CHAF1A: variants seen among roughly 807,000 people sequenced by gnomAD.
The protein encoded by CHAF1A is chromatin assembly factor 1 subunit A, also known as CAF-1 subunit A.
CHAF1A carries 5 observed loss-of-function variants against 93.2 expected under a neutral mutation model. That is an observed-to-expected ratio of 0.05 (90% CI 0.03 to 0.11). The LOEUF is 0.11. Ranked by LOEUF, CHAF1A falls within the 10% of genes least tolerant of loss-of-function variation. The pLI, the probability that CHAF1A is intolerant of heterozygous loss-of-function variation, is 1.00. For missense variants in CHAF1A, 1,102 were observed against 1,259.9 expected (o/e 0.87, Z 1.90); for synonymous variants, 504 against 510.3 (o/e 0.99, Z 0.17).
At chr19:4,432,330 C>CCAG in intron 12 of CHAF1A, 123 bp downstream of exon 12, 1 of 1,169,048 alleles carries the variant, frequency 8.6e-7, no homozygotes. Context: ...ATAACAGAGG[C>CCAG]CAGCCCTTTT....
At chr19:4,412,733 C>T (rs1206493979) in intron 3 of CHAF1A, among the ~76,000 whole-genome samples, 1 of 152,192 alleles carries the variant, frequency 6.6e-6, no homozygotes, top group Non-Finnish European at 1.5e-5. Context: ...ATTTAGGACG[C>T]TAGATCTTGT....
chr19:4,445,819 C>G, downstream of CHAF1A: 2 of 1,063,698 alleles, frequency 1.9e-6, no homozygotes, highest in Non-Finnish European at 2.6e-6. Flanking sequence ...ACTGCACTAG[C>G]TAACGCACGT....
chr19:4,431,563 C>G (rs900999199), intron 11 of CHAF1A, among the ~76,000 whole-genome samples: 1 of 152,088 alleles, frequency 6.6e-6, no homozygotes, highest in African/African-American at 2.4e-5. Context: ...ATCTGACCAC[C>G]GAGGCCTGAA....
intron 7 of CHAF1A, 75 bp downstream of exon 7, chr19:4,423,949 TC>T: frequency 7.2e-7 from 1 of 1,396,836 alleles, no homozygotes; most frequent in Non-Finnish European, 1.0e-6. Flanking sequence ...AAAGGGTCTC[TC>T]CCCAGCCAGC....
intron 12 of CHAF1A, among the ~76,000 whole-genome samples, chr19:4,432,767 A>T (rs1326671921): frequency 6.6e-6 from 1 of 151,496 alleles, no homozygotes; most frequent in Non-Finnish European, 1.5e-5. Context: ...CTAAAAAAAA[A>T]AAAAAACTCA....
chr19:4,430,437 C>G, intron 10 of CHAF1A, 112 bp from the exon 11 acceptor site: 1 of 688,954 alleles, frequency 1.5e-6, no homozygotes, highest in Non-Finnish European at 2.6e-6. Context: ...CTCAGCCTCC[C>G]AAAGTGCTGG....
chr19:4,442,981 A>G lies in CHAF1A; in HGVS notation c.2827A>G (p.Thr943Ala), dbSNP rs147615871. 2.1e-3 allele frequency: 3,415 copies of G among 1,604,378 alleles called. 7 individuals carry two copies. The highest frequency in any genetic ancestry group is 2.6e-3 in the Non-Finnish European group (3,082 of 1,176,152). ...SGAGGGVGVD[T>A]GKATLTASPL... is the part of the protein sequence containing the mutation. ...AGCTGGGGGTGGTGTGGGGGTGGACACCGGCAAGGCCACCCTGACCGCGAG... is the reference window on the plus strand; with the variant it reads ...AGCTGGGGGTGGTGTGGGGGTGGACGCCGGCAAGGCCACCCTGACCGCGAG... The change falls in exon 15 of 15, where the codon ACC (threonine) becomes GCC (alanine). Residue 943 changes from threonine (T) to alanine (A), a missense_variant. Coordinates refer to ENST00000301280, the MANE Select transcript of CHAF1A (RefSeq NM_005483.3).
intron 13 of CHAF1A, among the ~76,000 whole-genome samples, chr19:4,437,137 G>A (rs912771923): frequency 6.6e-6 from 1 of 151,940 alleles, no homozygotes; most frequent in African/African-American, 2.4e-5. Context: ...TGCAGCGGAC[G>A]CACGAAGGTC....
At position 4,431,067 on chromosome 19, in the gene CHAF1A, C is replaced by G. The variant is rs190345593; in HGVS notation, c.1947+426C>G. On this transcript the variant is annotated intron_variant, in intron 11 of 14. Coordinates refer to ENST00000301280, the MANE Select transcript of CHAF1A (RefSeq NM_005483.3). ...CCCTATCTCTCCAGAAGATTGCCCA[C>G]GTCTCTGCAGGCGAACCTGCCTGCC... The G allele has an allele frequency of 7.3e-5, 12 of 165,178 alleles. No individual in the cohort carries two copies. In the East Asian group the frequency reaches 2.2e-3, roughly 30 times the overall value. 10.2% of individuals were successfully genotyped at this position (165,178 alleles called of 1,614,324 possible).
At chr19:4,444,243 A>C (rs2145161937), downstream of CHAF1A, among the ~76,000 whole-genome samples, 1 of 152,274 alleles carries the variant, frequency 6.6e-6, no homozygotes, top group Non-Finnish European at 1.5e-5. Context: ...GGTCAGGGGC[A>C]CGAGCATAGG....
At chr19:4,448,404 G>A (rs772380278), downstream of CHAF1A, 28 of 1,606,914 alleles carry the variant, frequency 1.7e-5, no homozygotes, top group African/African-American at 2.7e-5. Flanking sequence ...CCACTGGGTC[G>A]GTGGAGAAGT....
Position 4,428,609 on chromosome 19 carries a change from G to C in CHAF1A, c.1378-55G>C, listed in dbSNP as rs1031876468. 6.1e-6 allele frequency: 9 copies of C among 1,474,016 alleles called. No homozygotes were observed. The African/African-American group carries it at 1.1e-4, about 18-fold the overall frequency. The allele number at this position is 1,474,016 out of a possible 1,614,324, so 91.3% of individuals were successfully genotyped here. On this transcript the variant is annotated intron_variant, in intron 7 of 14. Coordinates refer to ENST00000301280, the MANE Select transcript of CHAF1A (RefSeq NM_005483.3). ...CAGCACCCTGCTGTGTGCGTCCATGGTGCCTCCTTTCTCCCATTGCTCGAA... is the reference window on the plus strand; with the variant it reads ...CAGCACCCTGCTGTGTGCGTCCATGCTGCCTCCTTTCTCCCATTGCTCGAA...
Position 4,428,719 on chromosome 19 carries a change from T to A in CHAF1A, c.1433T>A (p.Val478Asp). The stretch of plus-strand genomic sequence containing the variant: ...CCCTTTGAAATTAAAGAGCACATGG[T>A]CCTGGCCCCTCGGCGTCGGACCGCT... Reference protein sequence around the residue: ...FAPFEIKEHMVLAPRRRTAFH... With the variant: ...FAPFEIKEHMDLAPRRRTAFH... The change falls in exon 8 of 15, where the codon GTC becomes GAC. Residue 478 changes from valine (V) to aspartate (D), a missense_variant. Physicochemically the swap from Val to Asp is radical, Grantham distance 152. Coordinates refer to ENST00000301280, the MANE Select transcript of CHAF1A (RefSeq NM_005483.3). The A allele has an allele frequency of 6.2e-7, 1 of 1,614,152 alleles. No homozygotes were observed. Among genetic ancestry groups the A allele is most frequent in the Non-Finnish European group, 8.5e-7 (1 of 1,180,022 alleles).
intron 12 of CHAF1A, 88 bp downstream of exon 12, chr19:4,432,295 C>T: frequency 3.6e-6 from 5 of 1,407,812 alleles, no homozygotes; most frequent in Non-Finnish European, 3.8e-6. Flanking sequence ...CTAGTGGGTC[C>T]GTGATGCAAA....
intron 6 of CHAF1A, 68 bp from the exon 7 acceptor site, chr19:4,423,738 G>T: frequency 6.8e-7 from 1 of 1,469,792 alleles, no homozygotes; most frequent in Non-Finnish European, 9.5e-7. Context: ...GGGGGCCTTT[G>T]CATGTTTTGC....
In CHAF1A at chr19:4,422,610, G is replaced by A; in HGVS notation, c.1062G>A (p.Arg354=). 1 of 1,584,762 alleles carries A rather than the reference G, an allele frequency of 6.3e-7. No homozygotes were observed. The part of the protein sequence containing the change: ...LGKQLKLRAE[R]EEKEKLKEEA... ...AGCAGCTCAAGTTACGTGCAGAAAG[G>A]GAAGAAAAGGAGAAGCTGAAAGAGG... The change falls in exon 5 of 15, where the codon AGG becomes AGA. Residue 354 remains arginine (R), a synonymous_variant. Transcript: ENST00000301280. The surrounding 1 kb of genome is among the most constrained non-coding windows in gnomAD (Gnocchi z 4.6).
At chr19:4,447,166 G>T (rs1974551268), downstream of CHAF1A, 2 of 593,158 alleles carry the variant, frequency 3.4e-6, no homozygotes, top group Non-Finnish European at 6.0e-6. Context: ...AGGCTGAGGA[G>T]CCAGACACTG....
intron 13 of CHAF1A, among the ~76,000 whole-genome samples, chr19:4,434,901 A>G (rs1363809694): frequency 6.6e-6 from 1 of 152,050 alleles, no homozygotes; most frequent in Non-Finnish European, 1.5e-5. Flanking sequence ...CGGAGGCACA[A>G]GCGCATGGAG....
At chr19:4,416,836 A>G (rs1243985361) in intron 3 of CHAF1A, among the ~76,000 whole-genome samples, 2 of 152,152 alleles carry the variant, frequency 1.3e-5, no homozygotes, top group African/African-American at 4.8e-5. Context: ...GGTTGCAGTG[A>G]GCCGAGATCG....
Sources: gnomAD v4.1 joint callset for allele counts (sites outside exome capture counted in the v4.1 genomes callset) on GRCh38, gnomAD v4.1.1 for gene constraint, Gnocchi (gnomAD v3.1) non-coding constraint, MANE v1.5 for transcripts, NCBI Gene and HGNC (gene_info 2026-07-23, HGNC 2026-07-21) for gene names.